The following SNX29 variants were observed in gnomAD, a reference collection of about 807,000 sequenced individuals.
SNX29 encodes sorting nexin-29.
A neutral mutation model predicts 102.1 loss-of-function variants in SNX29; 78 were observed. The ratio of observed to expected loss-of-function variants is 0.76; its 90% CI spans 0.64 to 0.92. SNX29 has a LOEUF of 0.92. SNX29 is among the 40% of genes least tolerant of loss of function. The pLI is 0.00. For missense variants in SNX29, 1,280 were observed against 1,061.7 expected (o/e 1.21, Z -2.86); for synonymous variants, 580 against 414.5 (o/e 1.40, Z -4.85).
Position 12,052,195 on chromosome 16 carries a change from A to G in SNX29, c.1097A>G (p.His366Arg), listed in dbSNP as rs1479433205. 6.2e-7 allele frequency: 1 copy of G among 1,613,972 alleles called. No homozygotes were observed. The highest frequency in any genetic ancestry group is 1.3e-5 in the African/African-American group (1 of 75,020). The change falls in exon 8 of 21, where the codon CAC becomes CGC. Residue 366 changes from histidine (H) to arginine (R), a missense_variant. Transcript: ENST00000566228. ...DVYGNSSGRK[H>R]RGHSESPEKP... ...TATGGAAACTCATCAGGAAGGAAGC[A>G]CAGGGGCCACTCGGAGTCGCCCGAG... is the stretch of plus-strand genomic sequence containing the variant.
At position 12,552,964 on chromosome 16, in the gene SNX29, T is replaced by C. The variant is rs917343140; in HGVS notation, c.2319-15542T>C. Among the ~76,000 whole-genome samples, 143 of 152,214 alleles carry C rather than the reference T, an allele frequency of 9.4e-4. 4 individuals are homozygous for C. Among genetic ancestry groups the C allele is most frequent in the Non-Finnish European group, 2.2e-4 (15 of 68,036 alleles). ...GCCACGTCATCAGGAACATGGATTG[T>C]ATTGAGTGCAGCAGGCACTGTCTGA... is the stretch of plus-strand genomic sequence containing the variant. On this transcript the variant is annotated intron_variant, in intron 20 of 20. Transcript: ENST00000566228.
At position 11,976,982 on chromosome 16, in the gene SNX29, G is replaced by A. The variant is rs1028569119; in HGVS notation, c.7+169G>A. 6 of 863,958 alleles carry A rather than the reference G, an allele frequency of 6.9e-6. No individual in the cohort carries two copies. The African/African-American group carries it at 8.8e-5, about 13-fold the overall frequency. 53.5% of individuals were successfully genotyped at this position (863,958 alleles called of 1,614,324 possible). A position where few individuals can be genotyped will look rare whatever the true frequency, so the allele number is the denominator to read the frequency against. The stretch of plus-strand genomic sequence containing the variant: ...CCAGGACTCCCGGCTCGTGGCCCCT[G>A]CTCACCTGCGGGTCTCTGATCTCCC... On this transcript the variant is annotated intron_variant, in intron 1 of 20. Transcript: ENST00000566228.
At chr16:12,018,524 A>G in intron 3 of SNX29, among the ~76,000 whole-genome samples, 1 of 151,316 alleles carries the variant, frequency 6.6e-6, no homozygotes, top group East Asian at 1.9e-4. Flanking sequence ...CGCAGGTTGC[A>G]GTGAGCCGAG....
chr16:12,247,280 A>G (rs909875287), intron 14 of SNX29, among the ~76,000 whole-genome samples: 1 of 152,146 alleles, frequency 6.6e-6, no homozygotes, highest in East Asian at 1.9e-4. Flanking sequence ...TTCAAAGGGT[A>G]TGGGAGATAA....
intron 15 of SNX29, among the ~76,000 whole-genome samples, chr16:12,329,049 A>G (rs1191835947): frequency 1.3e-5 from 2 of 151,952 alleles, no homozygotes; most frequent in South Asian, 4.2e-4. Flanking sequence ...AGGCAGGAGG[A>G]TGGCTTGAGG....
intron 14 of SNX29, among the ~76,000 whole-genome samples, chr16:12,233,190 G>A (rs2142216209): frequency 6.6e-6 from 1 of 152,102 alleles, no homozygotes; most frequent in Middle Eastern, 3.4e-3. Context: ...AGTCAGTCCA[G>A]GTACCCATCA....
chr16:12,548,000 G>C (rs916097), intron 20 of SNX29, among the ~76,000 whole-genome samples: 1 of 151,908 alleles, frequency 6.6e-6, no homozygotes, highest in Admixed American at 6.6e-5. Flanking sequence ...TCGAGTGAAC[G>C]TGGCATCCTG....
intron 20 of SNX29, among the ~76,000 whole-genome samples, chr16:12,564,697 C>T (rs1024410735): frequency 7.9e-5 from 12 of 152,252 alleles, no homozygotes; most frequent in East Asian, 1.9e-4. Flanking sequence ...GCTTAGGCCC[C>T]AGAGCTGCAA....
chr16:12,328,740 C>G (rs762011351), intron 15 of SNX29, among the ~76,000 whole-genome samples: 2 of 152,170 alleles, frequency 1.3e-5, no homozygotes, highest in South Asian at 2.1e-4. Flanking sequence ...ATCTGTGTAT[C>G]TCTCCCTGTT....
intron 16 of SNX29, among the ~76,000 whole-genome samples, chr16:12,385,405 T>G (rs2083307846): frequency 6.6e-6 from 1 of 152,124 alleles, no homozygotes; most frequent in African/African-American, 2.4e-5. Flanking sequence ...CTCAAAGAGT[T>G]GGAATTTTTT....
At chr16:12,530,967 G>C (rs77406927) in intron 20 of SNX29, among the ~76,000 whole-genome samples, 6,882 of 152,200 alleles carry the variant, frequency 0.045, 258 homozygotes, top group South Asian at 0.12. Context: ...CAGTTAAGAG[G>C]TTTCCAGATT....
intron 2 of SNX29, among the ~76,000 whole-genome samples, chr16:12,001,923 G>A (rs1287191085): frequency 1.3e-5 from 2 of 152,116 alleles, no homozygotes; most frequent in African/African-American, 2.4e-5. Flanking sequence ...GGGAGACTGA[G>A]GTGGGAGAAT....
At chr16:12,324,308 A>G (rs779339137) in intron 15 of SNX29, among the ~76,000 whole-genome samples, 1 of 152,068 alleles carries the variant, frequency 6.6e-6, no homozygotes, top group Non-Finnish European at 1.5e-5. Context: ...CCAGTGGTAT[A>G]ATGAGGCATG....
intron 20 of SNX29, chr16:12,527,228 G>A: frequency 1.9e-6 from 1 of 533,882 alleles, no homozygotes. Flanking sequence ...TGATGGATCA[G>A]CCACAGCCAA....
chr16:12,406,605 TATTA>T (rs570146072), intron 18 of SNX29, among the ~76,000 whole-genome samples: 247 of 152,348 alleles, frequency 1.6e-3, no homozygotes, highest in African/African-American at 5.7e-3. Flanking sequence ...TTGAGATTTA[TATTA>T]ATTAAAATGA....
intron 3 of SNX29, among the ~76,000 whole-genome samples, chr16:12,007,975 G>A (rs191756200): frequency 8.2e-4 from 125 of 152,020 alleles, no homozygotes; most frequent in Non-Finnish European, 6.9e-4. Flanking sequence ...ATGGAGTCTC[G>A]CTCTGTCACC....
At chr16:12,462,192 C>T (rs765749203) in intron 18 of SNX29, among the ~76,000 whole-genome samples, 18 of 151,470 alleles carry the variant, frequency 1.2e-4, no homozygotes, top group Non-Finnish European at 2.2e-4. Flanking sequence ...TCAGTCCTGG[C>T]CCTGCAGCCT....
At chr16:12,185,239 G>T (rs941274662) in intron 13 of SNX29, among the ~76,000 whole-genome samples, 1 of 152,172 alleles carries the variant, frequency 6.6e-6, no homozygotes, top group African/African-American at 2.4e-5. Context: ...ACATGTGAGA[G>T]ACTAGGGAGT....
chr16:12,357,527 A>AG (rs1046452845), intron 16 of SNX29, among the ~76,000 whole-genome samples: 1 of 152,190 alleles, frequency 6.6e-6, no homozygotes, highest in South Asian at 2.1e-4. Context: ...AATTTTAAAA[A>AG]TTAGGGTAAA....
Sources: gnomAD v4.1 joint callset for allele counts (sites outside exome capture counted in the v4.1 genomes callset) on GRCh38, gnomAD v4.1.1 for gene constraint, MANE v1.5 for transcripts, NCBI Gene and HGNC (gene_info 2026-07-23, HGNC 2026-07-21) for gene names.